WWOX: variants seen among roughly 807,000 people sequenced by gnomAD.
WWOX encodes WW domain-containing oxidoreductase.
In WWOX, 69 loss-of-function variants were observed where a neutral mutation model predicts 46.2. That is an observed-to-expected ratio of 1.49 (90% CI 1.23 to 1.82). WWOX has a LOEUF of 1.82. Ranked by LOEUF, WWOX falls within the 40% of genes most tolerant of loss-of-function variation. WWOX has a pLI of 0.00. For synonymous variants in WWOX, 359 were observed against 202.6 expected (o/e 1.77, Z -6.56); for missense variants, 919 against 542.6 (o/e 1.69, Z -6.89).
At chr16:78,716,964 A>G (rs577767419) in intron 8 of WWOX, among the ~76,000 whole-genome samples, 35 of 152,312 alleles carry the variant, frequency 2.3e-4, no homozygotes, top group Non-Finnish European at 4.0e-4. Flanking sequence ...AGGATAAGGA[A>G]TGTCTTGATG....
chr16:78,929,206 T>G (rs12932804), intron 8 of WWOX, among the ~76,000 whole-genome samples: 1 of 151,854 alleles, frequency 6.6e-6, no homozygotes, highest in Non-Finnish European at 1.5e-5. Context: ...TTCGAATTAT[T>G]TTCATAAACT....
rs1207528959 is a variant in WWOX at position 78,342,127 on chromosome 16, C to A, written c.517-44733C>A. 1.7e-5 allele frequency among the ~76,000 whole-genome samples: 2 copies of A among 120,720 alleles called. 1 individual carries two copies. The highest frequency in any genetic ancestry group is 4.0e-5 in the Non-Finnish European group (2 of 50,574). 79.2% of individuals were successfully genotyped at this position (120,720 alleles called of 152,430 possible). A position where few individuals can be genotyped will look rare whatever the true frequency, so the allele number is the denominator to read the frequency against. ...TGAGACTATGTCTCAAGAAAATGTT[C>A]AAGAAGAAATACAAACTATTGAAAA... On this transcript the variant is annotated intron_variant, in intron 5 of 8. Transcript: ENST00000566780.
At position 78,812,869 on chromosome 16, in the gene WWOX, A is replaced by G. The variant is rs533706881; in HGVS notation, c.1056+380117A>G. Among the ~76,000 whole-genome samples, 303 of 152,312 alleles carry G rather than the reference A, an allele frequency of 2.0e-3. 3 individuals carry two copies. The highest frequency in any genetic ancestry group is 6.8e-3 in the Middle Eastern group (2 of 294). On this transcript the variant is annotated intron_variant, in intron 8 of 8. Transcript: ENST00000566780. ...AATATTTTCCCCTGTCTTATTTTCTATCATTTCACATCTTCTTAAACACAT... is the reference window on the plus strand; with the variant it reads ...AATATTTTCCCCTGTCTTATTTTCTGTCATTTCACATCTTCTTAAACACAT...
chr16:79,069,434 A>G (rs1312706839), intron 8 of WWOX, among the ~76,000 whole-genome samples: 1 of 152,194 alleles, frequency 6.6e-6, no homozygotes, highest in Non-Finnish European at 1.5e-5. Context: ...AAAGACCTTT[A>G]CATCTCTGTC....
intron 8 of WWOX, among the ~76,000 whole-genome samples, chr16:78,819,626 G>T (rs2051438418): frequency 6.6e-6 from 1 of 152,200 alleles, no homozygotes; most frequent in Admixed American, 6.5e-5. Context: ...TGCTCCTGTT[G>T]TACACTGTCC....
intron 8 of WWOX, among the ~76,000 whole-genome samples, chr16:79,139,769 A>G (rs1332698301): frequency 1.3e-5 from 2 of 152,200 alleles, no homozygotes; most frequent in African/African-American, 4.8e-5. Context: ...CAGTCCAATA[A>G]AAGAGGCAGA....
chr16:78,558,005 A>C (rs1360381739), intron 8 of WWOX, among the ~76,000 whole-genome samples: 2 of 152,104 alleles, frequency 1.3e-5, no homozygotes, highest in Non-Finnish European at 2.9e-5. Flanking sequence ...CTGCTTTTTC[A>C]GAGCCTGGAA....
chr16:78,685,902 A>AAG (rs992762580), intron 8 of WWOX, among the ~76,000 whole-genome samples: 2 of 52,924 alleles, frequency 3.8e-5, no homozygotes, highest in African/African-American at 6.8e-5. Flanking sequence ...GAAAAAAAAC[A>AAG]AAAAAGAAAA....
At chr16:78,650,937 A>C (rs928084218) in intron 8 of WWOX, among the ~76,000 whole-genome samples, 8 of 152,228 alleles carry the variant, frequency 5.3e-5, no homozygotes, top group African/African-American at 1.9e-4. Context: ...TGTTTGGTTT[A>C]TGTCCTAAAA....
intron 5 of WWOX, among the ~76,000 whole-genome samples, chr16:78,277,574 C>T (rs1012935345): frequency 6.6e-6 from 1 of 152,138 alleles, no homozygotes; most frequent in African/African-American, 2.4e-5. Context: ...AGTGGGGAAC[C>T]TGGCCCAATC....
chr16:78,418,042 T>C (rs749909346), intron 6 of WWOX, among the ~76,000 whole-genome samples: 25 of 152,208 alleles, frequency 1.6e-4, no homozygotes, highest in Non-Finnish European at 3.4e-4. Flanking sequence ...AAAAAATTAA[T>C]GAGTGCTTTC....
intron 5 of WWOX, among the ~76,000 whole-genome samples, chr16:78,214,107 T>C (rs1357667465): frequency 6.6e-6 from 1 of 152,164 alleles, no homozygotes; most frequent in Non-Finnish European, 1.5e-5. Context: ...TGCCTAGGGC[T>C]GGGCTCATGA....
intron 8 of WWOX, chr16:79,205,353 C>G (rs1349428757): frequency 6.6e-6 from 1 of 152,220 alleles, no homozygotes. Flanking sequence ...GGAGAGGCAA[C>G]TGAAAAGGAG....
At chr16:78,688,852 C>T (rs1386520829) in intron 8 of WWOX, among the ~76,000 whole-genome samples, 1 of 152,120 alleles carries the variant, frequency 6.6e-6, no homozygotes, top group Admixed American at 6.5e-5. Flanking sequence ...TGTGCAGTTA[C>T]CCCCATGATG....
chr16:78,746,410 A>T (rs1597537530), intron 8 of WWOX, among the ~76,000 whole-genome samples: 1 of 152,116 alleles, frequency 6.6e-6, no homozygotes, highest in Non-Finnish European at 1.5e-5. Flanking sequence ...AGGCAGGAGG[A>T]TCAACTGAGC....
intron 8 of WWOX, among the ~76,000 whole-genome samples, chr16:78,925,355 A>G (rs1164188463): frequency 6.6e-6 from 1 of 151,920 alleles, no homozygotes; most frequent in Non-Finnish European, 1.5e-5. Context: ...AATGGCAACA[A>G]AGGGAGATCC....
At chr16:78,642,005 G>T (rs907965465) in intron 8 of WWOX, among the ~76,000 whole-genome samples, 1 of 152,080 alleles carries the variant, frequency 6.6e-6, no homozygotes, top group African/African-American at 2.4e-5. Flanking sequence ...CAAAGAGGGG[G>T]AAAAAGAAGA....
intron 8 of WWOX, chr16:79,017,080 C>G (rs554871698): frequency 6.6e-6 from 1 of 151,992 alleles, no homozygotes; most frequent in African/African-American, 2.4e-5. Context: ...ATATTATGTC[C>G]CTCTGTGTTC....
At chr16:79,150,950 G>C (rs2050267124) in intron 8 of WWOX, among the ~76,000 whole-genome samples, 1 of 152,158 alleles carries the variant, frequency 6.6e-6, no homozygotes, top group African/African-American at 2.4e-5. Flanking sequence ...TTTCAGCCTA[G>C]TTTATTCTAG....
Sources: allele counts gnomAD v4.1 joint callset (sites outside exome capture counted in the v4.1 genomes callset), GRCh38; gene constraint gnomAD v4.1.1; transcripts MANE v1.5; gene names NCBI Gene and HGNC (gene_info 2026-07-23, HGNC 2026-07-21).